Variants in GLI2 observed in about 807,000 individuals in gnomAD.
GLI2 encodes GLI family zinc finger 2.
A neutral mutation model predicts 78.9 loss-of-function variants in GLI2; 22 were observed. The ratio of observed to expected loss-of-function variants is 0.28; its 90% CI spans 0.20 to 0.40. The LOEUF (loss-of-function observed/expected upper bound fraction) is 0.40. GLI2 is among the 10% of genes least tolerant of loss of function. The probability of loss-of-function intolerance (pLI) is 1.00; values close to 1 mark genes in which losing one functional copy is unlikely to be tolerated. For synonymous variants in GLI2, 974 were observed against 963.7 expected, an observed-to-expected ratio of 1.01 and a Z score of -0.20; for missense variants, 2,097 against 2,213.2, an observed-to-expected ratio of 0.95 and a Z score of 1.05.
intron 2 of GLI2, among the ~76,000 whole-genome samples, chr2:120,817,499 C>T (rs1429007798): frequency 1.3e-5 from 2 of 152,222 alleles, no homozygotes; most frequent in Non-Finnish European, 2.9e-5. Flanking sequence ...CTTACAGTCT[C>T]ATCACCGCTC....
At chr2:120,910,876 A>G (rs1187561288) in intron 2 of GLI2, among the ~76,000 whole-genome samples, 2 of 152,214 alleles carry the variant, frequency 1.3e-5, no homozygotes, top group Admixed American at 6.5e-5. Context: ...AAGGGGTTAC[A>G]TTTCCTTTTG....
chr2:120,898,097 G>A (rs1229710949), intron 2 of GLI2, among the ~76,000 whole-genome samples: 1 of 151,388 alleles, frequency 6.6e-6, no homozygotes, highest in Non-Finnish European at 1.5e-5. Flanking sequence ...TTGCTGTTTT[G>A]TGGAGTGGTT....
At chr2:120,886,537 G>A (rs1677422772) in intron 2 of GLI2, among the ~76,000 whole-genome samples, 1 of 152,188 alleles carries the variant, frequency 6.6e-6, no homozygotes, top group South Asian at 2.1e-4. Flanking sequence ...TAAGTGCTGG[G>A]ATTACAGGCA....
At chr2:120,789,447 C>G (rs1450252001) in intron 1 of GLI2, among the ~76,000 whole-genome samples, 1 of 152,134 alleles carries the variant, frequency 6.6e-6, no homozygotes, top group East Asian at 1.9e-4. Context: ...TTTGTGCTCT[C>G]CGGGCCAAGT....
intron 2 of GLI2, among the ~76,000 whole-genome samples, chr2:120,890,118 C>T (rs1187337216): frequency 1.3e-5 from 2 of 152,216 alleles, no homozygotes; most frequent in East Asian, 1.9e-4. Context: ...CCAGGGAATA[C>T]TACTCAGCAG....
Position 120,951,087 on chromosome 2 carries a change from A to G in GLI2, c.255-156A>G, listed in dbSNP as rs10864866. On this transcript the variant is annotated intron_variant, in intron 3 of 13. Coordinates refer to ENST00000361492, the MANE Select transcript of GLI2 (RefSeq NM_001374353.1). ...CTTGAGAGTTCAGACTGTAATTCAC[A>G]GATGACCAGGGGAATGTCGGTGTAG... Among the ~76,000 whole-genome samples, 120,254 of 152,260 alleles carry G rather than the reference A, an allele frequency of 0.79. 52,368 individuals are homozygous for G. The highest frequency in any genetic ancestry group is 1 in the East Asian group (5,163 of 5,170).
chr2:120,961,497 G>T (rs1407384496), intron 5 of GLI2, among the ~76,000 whole-genome samples: 1 of 152,136 alleles, frequency 6.6e-6, no homozygotes, highest in African/African-American at 2.4e-5. Context: ...AGACTGTCCC[G>T]CCACACCAGC....
chr2:120,977,994 A>G (rs1006823363), intron 9 of GLI2, among the ~76,000 whole-genome samples: 4 of 152,230 alleles, frequency 2.6e-5, no homozygotes, highest in African/African-American at 7.2e-5. Flanking sequence ...TCATGCACCC[A>G]CTACGGGCAC....
intron 2 of GLI2, among the ~76,000 whole-genome samples, chr2:120,891,649 C>T (rs2104750523): frequency 6.6e-6 from 1 of 152,228 alleles, no homozygotes; most frequent in East Asian, 1.9e-4. Context: ...CCTGGCTTTC[C>T]CCTGGATGCT....
intron 2 of GLI2, among the ~76,000 whole-genome samples, chr2:120,803,905 C>T (rs1374749834): frequency 2.6e-5 from 4 of 152,184 alleles, no homozygotes; most frequent in Non-Finnish European, 4.4e-5. Context: ...GGGGAGACTA[C>T]GGTTTGCAGC....
At chr2:120,870,093 C>G (rs1248145978) in intron 2 of GLI2, among the ~76,000 whole-genome samples, 1 of 152,188 alleles carries the variant, frequency 6.6e-6, no homozygotes, top group Non-Finnish European at 1.5e-5. Flanking sequence ...GCAAAGCTAT[C>G]AAGGCCATGC....
chr2:120,767,584 C>G (rs901536045), intron 1 of GLI2, among the ~76,000 whole-genome samples: 7 of 152,122 alleles, frequency 4.6e-5, no homozygotes, highest in African/African-American at 1.7e-4. Context: ...TTAATACACT[C>G]ACCAAATTGG....
chr2:120,855,029 A>G (rs1178658295), intron 2 of GLI2, among the ~76,000 whole-genome samples: 2 of 152,248 alleles, frequency 1.3e-5, no homozygotes, highest in Admixed American at 6.5e-5. Context: ...CCTCGAGGTC[A>G]TCGCGGAATG....
chr2:120,739,384 C>T (rs186427454), intron 1 of GLI2, among the ~76,000 whole-genome samples: 17 of 152,300 alleles, frequency 1.1e-4, no homozygotes, highest in Admixed American at 5.9e-4. Flanking sequence ...GCTTGTGTGA[C>T]CCCCTCACAC....
intron 1 of GLI2, among the ~76,000 whole-genome samples, chr2:120,739,931 G>A (rs1682477029): frequency 1.3e-5 from 2 of 152,154 alleles, no homozygotes; most frequent in Admixed American, 6.5e-5. Context: ...GTTTCCTCAG[G>A]CTTGTTTAAC....
chr2:120,991,343 A>G lies in GLI2; in HGVS notation c.*668A>G, dbSNP rs748027944. 5 of 152,702 alleles carry G rather than the reference A, an allele frequency of 3.3e-5. No individual in the cohort carries two copies. Among genetic ancestry groups the G allele is most frequent in the Admixed American group, 1.3e-4 (2 of 15,300 alleles). 9.5% of individuals were successfully genotyped at this position (152,702 alleles called of 1,614,324 possible). ...TGTATATGAATGAATAAAGCATCCA[A>G]GTATATATGAATGAATAAAGTATGT... On this transcript the variant is annotated 3_prime_UTR_variant, in exon 14 of 14. Transcript: ENST00000361492.
intron 2 of GLI2, among the ~76,000 whole-genome samples, chr2:120,826,862 C>G (rs1256197184): frequency 6.6e-6 from 1 of 152,160 alleles, no homozygotes; most frequent in Non-Finnish European, 1.5e-5. Context: ...CTGCCCGGCT[C>G]CCGCTTCCTC....
rs550737531 is a variant in GLI2 at position 120,945,478 on chromosome 2, G to A, written c.255-5765G>A. 2.6e-4 allele frequency among the ~76,000 whole-genome samples: 39 copies of A among 152,298 alleles called. 2 individuals are homozygous for A. The South Asian group carries it at 2.9e-3, about 11-fold the overall frequency. ...TGCAGGTGGGTGGATGGACAGGCCC[G>A]AGCACTTATGGCTGGGGTCTGCCTT... On this transcript the variant is annotated intron_variant, in intron 3 of 13. Coordinates refer to ENST00000361492, the MANE Select transcript of GLI2 (RefSeq NM_001374353.1).
chr2:120,916,008 G>C (rs1230377209), intron 2 of GLI2, among the ~76,000 whole-genome samples: 1 of 152,164 alleles, frequency 6.6e-6, no homozygotes, highest in African/African-American at 2.4e-5. Context: ...TCCTTACTGT[G>C]CAACTGGGAA....
Sources: allele counts gnomAD v4.1 joint callset (sites outside exome capture counted in the v4.1 genomes callset), GRCh38; gene constraint gnomAD v4.1.1; transcripts MANE v1.5; gene names NCBI Gene and HGNC (gene_info 2026-07-23, HGNC 2026-07-21).